Variants in ABITRAM observed in about 807,000 individuals in gnomAD.
The protein encoded by ABITRAM is actin binding transcription modulator, also known as protein Abitram.
ABITRAM carries 19 observed loss-of-function variants against 22.9 expected under a neutral mutation model. The observed-to-expected ratio is 0.83, with a 90% CI of 0.58 to 1.22. The LOEUF is 1.22. ABITRAM is among the 50% of genes most tolerant of loss of function. The pLI, the probability that ABITRAM is intolerant of heterozygous loss-of-function variation, is 0.00. For synonymous variants in ABITRAM, 70 were observed against 73.9 expected (o/e 0.95, Z 0.27); for missense variants, 215 against 220.2 (o/e 0.98, Z 0.15).
chr9:108,936,477 C>T (rs369393874), intron 3 of ABITRAM, 40 bp downstream of exon 3: 3 of 1,597,186 alleles, frequency 1.9e-6, no homozygotes, highest in Non-Finnish European at 2.6e-6. Context: ...CTTACATCCT[C>T]TATATTCATG....
downstream of ABITRAM, chr9:108,943,188 T>C (rs939401538): frequency 4.0e-6 from 3 of 745,220 alleles, no homozygotes; most frequent in Non-Finnish European, 6.4e-6. Context: ...GCACATGAGC[T>C]GACTCAAAGC....
chr9:108,949,843 C>CA (rs1252637578), intron 3 of ABITRAM, among the ~76,000 whole-genome samples: 2 of 150,822 alleles, frequency 1.3e-5, no homozygotes, highest in Non-Finnish European at 3.0e-5. Flanking sequence ...GACTCCGTCT[C>CA]AAAAAAAATA....
downstream of ABITRAM, chr9:108,943,661 A>G: frequency 6.5e-7 from 1 of 1,538,104 alleles, no homozygotes; most frequent in Non-Finnish European, 8.8e-7. Flanking sequence ...CTTTAACCAG[A>G]TAAAGATAGA....
rs759624626 is a variant in ABITRAM, at chr9:108,940,086, A to T, written c.*400A>T. 1.5e-4 allele frequency: 25 copies of T among 165,934 alleles called. No homozygotes were observed. Among genetic ancestry groups the T allele is most frequent in the Non-Finnish European group, 2.7e-4 (21 of 76,964 alleles). 10.3% of individuals were successfully genotyped at this position (165,934 alleles called of 1,614,324 possible). On this transcript the variant is annotated 3_prime_UTR_variant, in exon 6 of 6. Coordinates refer to ENST00000322940, the MANE Select transcript of ABITRAM (RefSeq NM_017832.4). The stretch of plus-strand genomic sequence containing the variant: ...AATACATTTGACCCTTGAGCAACAT[A>T]GGTTTGAACTGCAAGGGTCCACTTA...
intron 3 of ABITRAM, among the ~76,000 whole-genome samples, chr9:108,938,910 T>C (rs1459709330): frequency 1.3e-5 from 2 of 152,228 alleles, no homozygotes; most frequent in African/African-American, 4.8e-5. Context: ...TATACCTGGT[T>C]ATATGTAGCT....
At chr9:108,948,277 A>G in intron 3 of ABITRAM, 1 of 1,573,898 alleles carries the variant, frequency 6.4e-7, no homozygotes, top group Non-Finnish European at 8.6e-7. Flanking sequence ...AAAAGTTATT[A>G]CCTGAAAATT....
At chr9:108,944,791 T>G (rs1284186827), downstream of ABITRAM, among the ~76,000 whole-genome samples, 1 of 152,140 alleles carries the variant, frequency 6.6e-6, no homozygotes, top group Non-Finnish European at 1.5e-5. Context: ...TCATAATAAA[T>G]TAAAGAATAC....
intron 2 of ABITRAM, 35 bp from the exon 3 acceptor site, chr9:108,936,273 A>G: frequency 6.3e-7 from 1 of 1,598,558 alleles, no homozygotes; most frequent in African/African-American, 1.3e-5. Context: ...AATTATTCCA[A>G]GCAATCACAC....
downstream of ABITRAM, chr9:108,943,828 T>C: frequency 6.2e-7 from 1 of 1,611,918 alleles, no homozygotes; most frequent in Non-Finnish European, 8.5e-7. Flanking sequence ...TGAAATGTAA[T>C]TTAACAAGTT....
At position 108,939,615 on chromosome 9, in the gene ABITRAM, G is replaced by T. The variant is rs1830232196; in HGVS notation, c.475G>T (p.Gly159Trp). The change falls in exon 6 of 6, where the codon GGG becomes TGG. Residue 159 changes from glycine (G) to tryptophan (W), a missense_variant. Coordinates refer to ENST00000322940, the MANE Select transcript of ABITRAM (RefSeq NM_017832.4). ...TGAAGAAAGTAAAAGCATAACAGAA[G>T]GGTTACTGACACAAAAACAATATGA... The part of the protein sequence containing the change: ...KFEESKSITE[G>W]LLTQKQYEEV... 6.2e-7 allele frequency: 1 copy of T among 1,613,814 alleles called. No homozygotes were observed. The highest frequency in any genetic ancestry group is 1.1e-5 in the South Asian group (1 of 91,064).
At chr9:108,950,702 T>C in exon 4 of ABITRAM, 2 of 1,418,804 alleles carry the variant, frequency 1.4e-6, no homozygotes, top group Non-Finnish European at 1.9e-6. Flanking sequence ...CTTTTCAGTC[T>C]TTCTGGTGAC....
chr9:108,935,775 CA>C, intron 2 of ABITRAM, 86 bp downstream of exon 2: 1 of 808,450 alleles, frequency 1.2e-6, no homozygotes, highest in Admixed American at 2.2e-5. Context: ...TTGGATTGAA[CA>C]AATGTTCACT....
At chr9:108,950,241 T>C (rs1341163670) in intron 3 of ABITRAM, among the ~76,000 whole-genome samples, 2 of 152,244 alleles carry the variant, frequency 1.3e-5, no homozygotes, top group African/African-American at 4.8e-5. Context: ...TGCAAATTTA[T>C]TGTGGGTAAA....
At chr9:108,946,494 T>C (rs1830408508) in intron 3 of ABITRAM, among the ~76,000 whole-genome samples, 1 of 152,178 alleles carries the variant, frequency 6.6e-6, no homozygotes, top group African/African-American at 2.4e-5. Context: ...CATCCAACTC[T>C]CACTTCATTA....
intron 2 of ABITRAM, 77 bp from the exon 3 acceptor site, chr9:108,936,231 A>G: frequency 6.6e-7 from 1 of 1,513,974 alleles, no homozygotes; most frequent in Non-Finnish European, 8.9e-7. Context: ...CAGTTCATAC[A>G]TTCTTGTTCC....
chr9:108,934,917 C>A (rs1471425583), intron 1 of ABITRAM, among the ~76,000 whole-genome samples: 2 of 151,856 alleles, frequency 1.3e-5, no homozygotes. Context: ...CAGGGAGTAG[C>A]GATACATAAA....
downstream of ABITRAM, chr9:108,943,034 C>CA (rs765817236): frequency 1.2e-6 from 2 of 1,610,548 alleles, no homozygotes; most frequent in Non-Finnish European, 1.7e-6. Context: ...CTTCGTAATA[C>CA]ACTTGTCAAC....
intron 3 of ABITRAM, among the ~76,000 whole-genome samples, chr9:108,946,756 T>G (rs187830395): frequency 6.6e-5 from 10 of 152,232 alleles, no homozygotes; most frequent in Admixed American, 4.6e-4. Context: ...AATAAATATT[T>G]GTTGAATGAA....
rs1830245569 is a variant in ABITRAM at position 108,940,761 on chromosome 9, G to A, written c.*1075G>A. ...GAATATGTCATTCAAAGGCATAGGG[G>A]CCTTTGAATGGAACAAATGCTTTCA... On this transcript the variant is annotated 3_prime_UTR_variant, in exon 6 of 6. Coordinates refer to ENST00000322940, the MANE Select transcript of ABITRAM (RefSeq NM_017832.4). 1 of 152,024 alleles carries A rather than the reference G, an allele frequency of 6.6e-6. No homozygotes were observed. Among genetic ancestry groups the A allele is most frequent in the African/African-American group, 2.4e-5 (1 of 41,388 alleles). The allele number at this position is 152,024 out of a possible 1,614,324, so 9.4% of individuals were successfully genotyped here.
Sources: gnomAD v4.1 joint callset for allele counts (sites outside exome capture counted in the v4.1 genomes callset) on GRCh38, gnomAD v4.1.1 for gene constraint, MANE v1.5 for transcripts, NCBI Gene and HGNC (gene_info 2026-07-23, HGNC 2026-07-21) for gene names.